Variants in PDXDC1 observed in about 807,000 individuals in gnomAD.
PDXDC1 encodes pyridoxal dependent decarboxylase domain containing 1.
PDXDC1 carries 42 observed loss-of-function variants against 100.1 expected under a neutral mutation model. That is an observed-to-expected ratio of 0.42 (90% CI 0.33 to 0.54). PDXDC1 has a LOEUF of 0.54. PDXDC1 is among the 20% of genes least tolerant of loss of function. The pLI, the probability that PDXDC1 is intolerant of heterozygous loss-of-function variation, is 0.10. For synonymous variants in PDXDC1, 260 were observed against 371.7 expected (o/e 0.70, Z 3.46); for missense variants, 636 against 979.2 (o/e 0.65, Z 4.68).
chr16:15,144,407 C>T, the PDXDC1 span, among the ~76,000 whole-genome samples: 7 of 152,248 alleles, frequency 4.6e-5, no homozygotes, highest in South Asian at 1.2e-3. Context: ...AGTGCAGCCC[C>T]GGGCTGGGCA....
At chr16:15,131,175 G>A (rs770778658) in intron 16 of PDXDC1, 1 of 1,590,206 alleles carries the variant, frequency 6.3e-7, no homozygotes, top group Non-Finnish European at 8.6e-7. Context: ...CGGAGGCCTG[G>A]GGCTGGACCA....
At chr16:15,139,961 T>C (rs1233482466), downstream of PDXDC1, among the ~76,000 whole-genome samples, 2 of 151,762 alleles carry the variant, frequency 1.3e-5, no homozygotes, top group Admixed American at 6.5e-5. Flanking sequence ...GTGGGCGTGG[T>C]GGCGGGAGCC....
chr16:15,132,603 T>C, intron 16 of PDXDC1: 3 of 783,236 alleles, frequency 3.8e-6, no homozygotes, highest in South Asian at 1.5e-5. Context: ...CGCCATGGCA[T>C]GAAGGAGCCC....
chr16:15,070,718 C>T (rs191792908), intron 16 of PDXDC1, among the ~76,000 whole-genome samples: 7 of 152,056 alleles, frequency 4.6e-5, no homozygotes, highest in African/African-American at 1.7e-4. Context: ...TCTTTATGGG[C>T]CACTGGAAGA....
intron 16 of PDXDC1, chr16:15,056,203 G>A (rs2044515258): frequency 6.2e-6 from 1 of 161,404 alleles, no homozygotes; most frequent in South Asian, 2.0e-4. Context: ...CCAAAGCCAG[G>A]AAGTGGCCCT....
intron 16 of PDXDC1, chr16:15,127,782 A>G: frequency 6.4e-7 from 1 of 1,555,248 alleles, no homozygotes; most frequent in Non-Finnish European, 8.7e-7. Flanking sequence ...TCTGGATGCG[A>G]GTGAAACAGC....
Position 15,034,396 on chromosome 16 carries a change from C to T in PDXDC1, c.1905+18C>T. 4 of 1,613,420 alleles carry T rather than the reference C, an allele frequency of 2.5e-6. No individual in the cohort carries two copies. The highest frequency in any genetic ancestry group is 3.4e-6 in the Non-Finnish European group (4 of 1,179,800). ...TGGAAGAGGTGAGGCCCCCGATGGG[C>T]AGCAGGCTGGGGGAGCCGCCGTGAG... is the stretch of plus-strand genomic sequence containing the variant. On this transcript the variant is annotated intron_variant, in intron 20 of 22. Transcript: ENST00000396410.
In PDXDC1 at chr16:15,036,004, C is replaced by T. The variant is rs183293479; in HGVS notation, c.2108-12C>T. On this transcript the variant is annotated splice_polypyrimidine_tract_variant and intron_variant, in intron 22 of 22. Transcript: ENST00000396410. ...ACTGAGTTTCAGCGCAGTCTGTCTG[C>T]CCTTTCTGTAGGCCAGAAGCCTTTT... The T allele has an allele frequency of 2.7e-5, 44 of 1,605,678 alleles. No homozygotes were observed. The African/African-American group carries it at 5.1e-4, about 19-fold the overall frequency.
At chr16:15,144,779 C>T in the PDXDC1 span, among the ~76,000 whole-genome samples, 5 of 152,134 alleles carry the variant, frequency 3.3e-5, no homozygotes, top group South Asian at 2.1e-4. Context: ...GGGGAGTCTG[C>T]GATGTCCTTG....
intron 16 of PDXDC1, chr16:15,044,438 A>T (rs1399146794): frequency 2.8e-6 from 4 of 1,453,532 alleles, no homozygotes; most frequent in Non-Finnish European, 3.9e-6. Flanking sequence ...GTCAGAGGCC[A>T]GAAGAAGACA....
intron 16 of PDXDC1, chr16:15,076,675 G>T (rs768130679): frequency 7.8e-5 from 113 of 1,453,082 alleles, no homozygotes; most frequent in Non-Finnish European, 1.3e-5. Context: ...GAAAAAAAAA[G>T]AATAAAAGGA....
At chr16:15,059,053 A>G (rs996069092) in intron 16 of PDXDC1, among the ~76,000 whole-genome samples, 2 of 152,218 alleles carry the variant, frequency 1.3e-5, no homozygotes, top group Non-Finnish European at 2.9e-5. Flanking sequence ...TTGAAACAAG[A>G]AAAGTATGCA....
At chr16:14,975,276 C>A in intron 1 of PDXDC1, 56 bp downstream of exon 1, 1 of 1,378,792 alleles carries the variant, frequency 7.3e-7, no homozygotes, top group Non-Finnish European at 9.3e-7. Flanking sequence ...CTCCCGCTTC[C>A]GAGGCAACTG....
intron 8 of PDXDC1, among the ~76,000 whole-genome samples, chr16:15,011,596 AC>A (rs1356680575): frequency 6.6e-6 from 1 of 152,184 alleles, no homozygotes; most frequent in African/African-American, 2.4e-5. Context: ...AAGGCAAGTT[AC>A]AGACTGGGAG....
the PDXDC1 span, among the ~76,000 whole-genome samples, chr16:15,144,371 G>C: frequency 6.6e-6 from 1 of 152,336 alleles, no homozygotes; most frequent in South Asian, 2.1e-4. Flanking sequence ...GCTGCAGTTT[G>C]GGACGGTGCT....
At chr16:15,142,471 A>C (rs911511931), downstream of PDXDC1, among the ~76,000 whole-genome samples, 5 of 152,050 alleles carry the variant, frequency 3.3e-5, no homozygotes, top group African/African-American at 1.2e-4. Flanking sequence ...AGTGGAATGA[A>C]GCTGGGGCCC....
Position 15,130,716 on chromosome 16 carries a change from T to C in PDXDC1, c.1400-8163T>C, listed in dbSNP as rs777604710. On this transcript the variant is annotated intron_variant, in intron 16 of 16. Transcript: ENST00000535621. ...GCGGATCCTCCTGCTAGCCGAGCAG[T>C]TGTGCTCATTGGGCCGGGGCTCCGA... 7 of 1,506,566 alleles carry C rather than the reference T, an allele frequency of 4.6e-6. No individual in the cohort carries two copies. The East Asian group carries it at 1.6e-4, about 34-fold the overall frequency. 93.3% of individuals were successfully genotyped at this position (1,506,566 alleles called of 1,614,324 possible).
At chr16:15,038,560 C>G (rs773679892), downstream of PDXDC1, 1 of 1,387,654 alleles carries the variant, frequency 7.2e-7, no homozygotes, top group Non-Finnish European at 1.0e-6. Flanking sequence ...CTTACCCAGC[C>G]TGTAAACTCT....
intron 16 of PDXDC1, among the ~76,000 whole-genome samples, chr16:15,115,170 C>CT (rs2047202358): frequency 7.0e-6 from 1 of 143,298 alleles, no homozygotes; most frequent in Non-Finnish European, 1.5e-5. Flanking sequence ...TCCTGACAGG[C>CT]GATCTGCCTG....
Sources: allele counts gnomAD v4.1 joint callset (sites outside exome capture counted in the v4.1 genomes callset), GRCh38; gene constraint gnomAD v4.1.1; transcripts MANE v1.5; gene names NCBI Gene and HGNC (gene_info 2026-07-23, HGNC 2026-07-21).